PPIP5K2: variants seen among roughly 807,000 people sequenced by gnomAD.
PPIP5K2 encodes inositol hexakisphosphate and diphosphoinositol-pentakisphosphate kinase 2.
PPIP5K2 carries 105 observed loss-of-function variants against 154.6 expected under a neutral mutation model. The observed-to-expected ratio is 0.68, with a 90% CI of 0.58 to 0.80. PPIP5K2 has a LOEUF of 0.80. Ranked by LOEUF, PPIP5K2 falls within the 30% of genes least tolerant of loss-of-function variation. PPIP5K2 has a pLI of 0.00. For missense variants in PPIP5K2, 992 were observed against 1,504.6 expected (o/e 0.66, Z 5.64); for synonymous variants, 480 against 490.3 (o/e 0.98, Z 0.28).
At chr5:103,152,612 G>A (rs201519138) in intron 9 of PPIP5K2, 36 bp from the exon 10 acceptor site, 18 of 1,354,936 alleles carry the variant, frequency 1.3e-5, no homozygotes, top group South Asian at 2.4e-5. Context: ...GTCTTAAAAC[G>A]TACTAATTTT....
intron 2 of PPIP5K2, among the ~76,000 whole-genome samples, chr5:103,132,777 T>G (rs546670928): frequency 1.1e-3 from 172 of 152,286 alleles, no homozygotes; most frequent in Non-Finnish European, 1.7e-3. Context: ...TTGAGTAATT[T>G]TATAAATCTA....
At chr5:103,174,107 A>G (rs1412617260) in intron 21 of PPIP5K2, 135 bp downstream of exon 21, 3 of 611,032 alleles carry the variant, frequency 4.9e-6, no homozygotes, top group African/African-American at 3.8e-5. Context: ...TCAAGGGACT[A>G]CTATATACCA....
At chr5:103,142,702 G>A (rs1054687435) in intron 5 of PPIP5K2, among the ~76,000 whole-genome samples, 1 of 151,986 alleles carries the variant, frequency 6.6e-6, no homozygotes, top group Non-Finnish European at 1.5e-5. Context: ...CATGAACCCA[G>A]GAGGCGGAGC....
intron 30 of PPIP5K2, among the ~76,000 whole-genome samples, chr5:103,195,673 T>C (rs890652510): frequency 6.6e-6 from 1 of 152,206 alleles, no homozygotes; most frequent in South Asian, 2.1e-4. Context: ...TCTACTTTTC[T>C]TGTTTGATCA....
chr5:103,186,263 T>G (rs1290884295), intron 26 of PPIP5K2, 57 bp from the exon 27 acceptor site: 12 of 1,607,808 alleles, frequency 7.5e-6, no homozygotes. Context: ...CTGCATGAAT[T>G]CCCAATGTGA....
rs1267745659 is a variant in PPIP5K2, at chr5:103,204,743, T to A, written c.*3109T>A. On this transcript the variant is annotated 3_prime_UTR_variant, in exon 31 of 31. Coordinates refer to ENST00000358359, the MANE Select transcript of PPIP5K2 (RefSeq NM_001276277.3). ...TAAAGTGTTGTTTATATAGGTCAAT[T>A]TTTGTGGAAGATCTAATTTCTATTT... 2.0e-5 allele frequency: 3 copies of A among 152,136 alleles called. No individual in the cohort carries two copies. The highest frequency in any genetic ancestry group is 2.0e-4 in the Admixed American group (3 of 15,272). The allele number at this position is 152,136 out of a possible 1,614,324, so 9.4% of individuals were successfully genotyped here.
In PPIP5K2 at chr5:103,159,339, GC is replaced by G; in HGVS notation, c.1920+12del. 1 of 1,591,240 alleles carries G rather than the reference GC, an allele frequency of 6.3e-7. No individual in the cohort carries two copies. ...GAAGATTATGAAAAGGTGGGTCTTA[GC>G]AAACTCTTATATTGTGAAATATTAC... On this transcript the variant is annotated intron_variant, in intron 17 of 30. Transcript: ENST00000358359.
chr5:103,167,386 T>A, intron 18 of PPIP5K2, 66 bp downstream of exon 18: 2 of 1,279,334 alleles, frequency 1.6e-6, no homozygotes, highest in Non-Finnish European at 2.1e-6. Flanking sequence ...ATTTAATATA[T>A]GATGCACCAA....
intron 2 of PPIP5K2, among the ~76,000 whole-genome samples, chr5:103,133,119 T>C (rs1305363990): frequency 6.6e-6 from 1 of 152,124 alleles, no homozygotes; most frequent in Non-Finnish European, 1.5e-5. Context: ...GTTTTGACTG[T>C]TATTATACTT....
At chr5:103,155,466 A>C (rs1795282399) in intron 13 of PPIP5K2, among the ~76,000 whole-genome samples, 1 of 78,366 alleles carries the variant, frequency 1.3e-5, no homozygotes, top group African/African-American at 4.6e-5. Flanking sequence ...TTATTCTGTC[A>C]CCCAGGCTGG....
intron 30 of PPIP5K2, among the ~76,000 whole-genome samples, chr5:103,200,248 G>A (rs947936773): frequency 6.6e-6 from 1 of 152,056 alleles, no homozygotes; most frequent in Non-Finnish European, 1.5e-5. Flanking sequence ...AAATAGAATT[G>A]TGGGCTCATC....
chr5:103,183,579 A>G (rs1799911166), intron 25 of PPIP5K2, among the ~76,000 whole-genome samples, 172 bp downstream of exon 25: 1 of 152,200 alleles, frequency 6.6e-6, no homozygotes, highest in Non-Finnish European at 1.5e-5. Flanking sequence ...TTCAAGGGAA[A>G]GAAATCACTT....
intron 19 of PPIP5K2, among the ~76,000 whole-genome samples, chr5:103,170,656 G>A (rs1321991537): frequency 6.8e-6 from 1 of 148,116 alleles, no homozygotes; most frequent in Non-Finnish European, 1.5e-5. Context: ...GAGAAACTTT[G>A]GATTTTTTTT....
chr5:103,208,026 T>C lies in PPIP5K2; in HGVS notation c.*6392T>C, dbSNP rs1803609449. On this transcript the variant is annotated 3_prime_UTR_variant, in exon 31 of 31. Coordinates refer to ENST00000358359, the MANE Select transcript of PPIP5K2 (RefSeq NM_001276277.3). ...ATACAATTTCTTTTTTGTTTGTTTT[T>C]GTTTTGTTTTTGTTGTTTTTTAAAA... 1 of 140,840 alleles carries C rather than the reference T, an allele frequency of 7.1e-6. No homozygotes were observed. The highest frequency in any genetic ancestry group is 1.6e-5 in the Non-Finnish European group (1 of 61,552). The allele number at this position is 140,840 out of a possible 1,614,324, so 8.7% of individuals were successfully genotyped here.
chr5:103,196,068 A>G (rs536467714), intron 30 of PPIP5K2, among the ~76,000 whole-genome samples: 36 of 152,324 alleles, frequency 2.4e-4, no homozygotes, highest in Admixed American at 2.0e-3. Flanking sequence ...GTAAACACTT[A>G]CTAAATGGTA....
intron 17 of PPIP5K2, among the ~76,000 whole-genome samples, chr5:103,166,920 G>A (rs1381936487): frequency 6.6e-6 from 1 of 151,922 alleles, no homozygotes; most frequent in African/African-American, 2.4e-5. Flanking sequence ...CTGTCTCAAG[G>A]GTGGAAGAGG....
At chr5:103,185,564 A>T (rs1225096084) in intron 26 of PPIP5K2, among the ~76,000 whole-genome samples, 1 of 151,996 alleles carries the variant, frequency 6.6e-6, no homozygotes, top group African/African-American at 2.4e-5. Flanking sequence ...CTTCTTATTG[A>T]TGTATCATAG....
intron 3 of PPIP5K2, among the ~76,000 whole-genome samples, chr5:103,134,928 C>G (rs1288838931): frequency 6.6e-6 from 1 of 152,140 alleles, no homozygotes; most frequent in Admixed American, 6.5e-5. Context: ...ATTTTAAAAA[C>G]TAAGAGGAGT....
At chr5:103,163,687 G>A (rs1796696796) in intron 17 of PPIP5K2, among the ~76,000 whole-genome samples, 1 of 151,758 alleles carries the variant, frequency 6.6e-6, no homozygotes, top group Non-Finnish European at 1.5e-5. Flanking sequence ...AAATTTCATT[G>A]TTTCTATTTG....
Sources: gnomAD v4.1 joint callset for allele counts (sites outside exome capture counted in the v4.1 genomes callset) on GRCh38, gnomAD v4.1.1 for gene constraint, MANE v1.5 for transcripts, NCBI Gene and HGNC (gene_info 2026-07-23, HGNC 2026-07-21) for gene names.